The following GRM7 variants were observed in gnomAD, a reference collection of about 807,000 sequenced individuals.
The protein encoded by GRM7 is metabotropic glutamate receptor 7.
A neutral mutation model predicts 84.5 loss-of-function variants in GRM7; 35 were observed. The observed-to-expected ratio is 0.41, with a 90% CI of 0.32 to 0.55. The LOEUF (loss-of-function observed/expected upper bound fraction) is 0.55, where lower values mean the gene tolerates loss of function less well. Among genes scored for constraint, GRM7 ranks in the 20% least tolerant of loss-of-function variants. GRM7 has a pLI of 0.19. For synonymous variants in GRM7, 487 were observed against 455.1 expected (o/e 1.07, Z -0.89); for missense variants, 1,003 against 1,194.6 (o/e 0.84, Z 2.36).
intron 4 of GRM7, among the ~76,000 whole-genome samples, chr3:7,335,408 G>A (rs1211827608): frequency 6.6e-6 from 1 of 152,032 alleles, no homozygotes; most frequent in African/African-American, 2.4e-5. Flanking sequence ...TACAGCAAAA[G>A]TGGTGATAAT....
intron 2 of GRM7, among the ~76,000 whole-genome samples, chr3:7,152,199 G>C (rs1694308007): frequency 6.6e-6 from 1 of 152,108 alleles, no homozygotes; most frequent in South Asian, 2.1e-4. Flanking sequence ...TTTAACTCAT[G>C]CTTCATTTGT....
chr3:7,140,956 A>G (rs1214070457), intron 1 of GRM7, among the ~76,000 whole-genome samples: 1 of 152,058 alleles, frequency 6.6e-6, no homozygotes, highest in Admixed American at 6.6e-5. Context: ...GAAATGTCCT[A>G]CAAGTTCTAG....
intron 4 of GRM7, among the ~76,000 whole-genome samples, chr3:7,354,881 C>T (rs1463894575): frequency 6.6e-6 from 1 of 152,132 alleles, no homozygotes; most frequent in Non-Finnish European, 1.5e-5. Flanking sequence ...CTGGCAAGGC[C>T]AGCAATATGC....
At chr3:7,680,449 T>C (rs920557376) in intron 9 of GRM7, 154 bp downstream of exon 9, 5 of 692,582 alleles carry the variant, frequency 7.2e-6, no homozygotes, top group Middle Eastern at 2.6e-4. Context: ...TCTTTTGAGT[T>C]TGACTCATTC....
chr3:7,693,714 T>C, intron 9 of GRM7: 1 of 1,439,856 alleles, frequency 6.9e-7, no homozygotes, highest in Non-Finnish European at 9.4e-7. Context: ...TCCTTCTAAG[T>C]GTCCTAAGGA....
intron 1 of GRM7, among the ~76,000 whole-genome samples, chr3:6,957,015 C>T (rs754561062): frequency 1.3e-5 from 2 of 152,098 alleles, no homozygotes; most frequent in Admixed American, 6.6e-5. Context: ...GACTATTTAA[C>T]CTTCTATTTA....
intron 1 of GRM7, among the ~76,000 whole-genome samples, chr3:6,876,927 C>A (rs1018843153): frequency 1.3e-5 from 2 of 152,006 alleles, no homozygotes; most frequent in Non-Finnish European, 1.5e-5. Context: ...GTTGTGTAAC[C>A]CTACGAAGGT....
At chr3:7,374,177 C>A (rs568401383) in intron 4 of GRM7, among the ~76,000 whole-genome samples, 1 of 152,192 alleles carries the variant, frequency 6.6e-6, no homozygotes, top group South Asian at 2.1e-4. Context: ...ATGAGTGAAA[C>A]AGGCTTTCTC....
rs756805776 is a variant in GRM7 at position 6,928,309 on chromosome 3, A to T, written c.519+66402A>T. Among the ~76,000 whole-genome samples the T allele has an allele frequency of 6.6e-6, 1 of 152,092 alleles. No homozygotes were observed. Among genetic ancestry groups the T allele is most frequent in the Non-Finnish European group, 1.5e-5 (1 of 68,010 alleles). The stretch of plus-strand genomic sequence containing the variant: ...GACTTGTTAACTTGTAGATATGATT[A>T]AGCCCCACAGTTTTCCCATGAAAGT... On this transcript the variant is annotated intron_variant, in intron 1 of 9. Transcript: ENST00000357716. This position sits in a 1 kb window ranked among gnomAD's most constrained non-coding sequence, Gnocchi z 4.5.
At chr3:7,264,762 C>T (rs1698570987) in intron 2 of GRM7, among the ~76,000 whole-genome samples, 1 of 150,624 alleles carries the variant, frequency 6.6e-6, no homozygotes, top group Non-Finnish European at 1.5e-5. Context: ...CCAGGGTGTC[C>T]TGGCATCCTC....
At chr3:7,626,925 T>C (rs1575570013) in intron 8 of GRM7, among the ~76,000 whole-genome samples, 1 of 11,608 alleles carries the variant, frequency 8.6e-5, no homozygotes, top group Admixed American at 1.0e-3. Context: ...TGAGCACCTC[T>C]TTTTTTTTTT....
intron 1 of GRM7, among the ~76,000 whole-genome samples, chr3:6,955,274 G>A (rs1054402008): frequency 1.3e-5 from 2 of 152,154 alleles, no homozygotes; most frequent in Admixed American, 6.5e-5. Context: ...GGTGGCTTAC[G>A]CCTGTAATCC....
In GRM7 at chr3:7,233,769, G is replaced by A. The variant is rs560663303; in HGVS notation, c.737-64915G>A. 2.7e-4 allele frequency among the ~76,000 whole-genome samples: 41 copies of A among 152,110 alleles called. 1 individual carries two copies. In the East Asian group the frequency reaches 6.9e-3, roughly 26 times the overall value. Reference sequence around the variant, plus strand: ...AATTTTTCTTTTACAAAATGACTCCGAACTGCAAATAAATAAACCCAATTT... The same window carrying A: ...AATTTTTCTTTTACAAAATGACTCCAAACTGCAAATAAATAAACCCAATTT... On this transcript the variant is annotated intron_variant, in intron 2 of 9. Transcript: ENST00000357716.
At chr3:6,888,722 T>G (rs1376471543) in intron 1 of GRM7, among the ~76,000 whole-genome samples, 1 of 152,162 alleles carries the variant, frequency 6.6e-6, no homozygotes, top group African/African-American at 2.4e-5. Context: ...CGGGCTGTTT[T>G]TTGGTTCCAT....
intron 1 of GRM7, among the ~76,000 whole-genome samples, chr3:7,130,265 T>C (rs1388053740): frequency 6.6e-6 from 1 of 152,088 alleles, no homozygotes; most frequent in African/African-American, 2.4e-5. Context: ...GCTTATGGGA[T>C]GGGCCTGGTG....
intron 1 of GRM7, among the ~76,000 whole-genome samples, chr3:6,957,231 T>A (rs1471672154): frequency 1.3e-5 from 2 of 152,180 alleles, no homozygotes; most frequent in African/African-American, 2.4e-5. Context: ...TTCCATTTAG[T>A]TAAAATTAAT....
chr3:7,305,991 G>C (rs1356117001), intron 3 of GRM7, among the ~76,000 whole-genome samples: 1 of 152,060 alleles, frequency 6.6e-6, no homozygotes, highest in African/African-American at 2.4e-5. Flanking sequence ...TCATACACAA[G>C]TTATAAATTT....
At chr3:7,307,828 G>A (rs1025728387) in intron 4 of GRM7, among the ~76,000 whole-genome samples, 1 of 152,134 alleles carries the variant, frequency 6.6e-6, no homozygotes. Flanking sequence ...CTCAGTGCTA[G>A]GAGTCAGGAA....
intron 1 of GRM7, among the ~76,000 whole-genome samples, chr3:7,047,615 T>C (rs1288606615): frequency 1.3e-5 from 2 of 152,092 alleles, no homozygotes; most frequent in Non-Finnish European, 2.9e-5. Context: ...GTGGTCCCTA[T>C]TGTCTAGTAT....
Sources: allele counts gnomAD v4.1 joint callset (sites outside exome capture counted in the v4.1 genomes callset), GRCh38; gene constraint gnomAD v4.1.1; non-coding constraint Gnocchi (gnomAD v3.1); transcripts MANE v1.5; gene names NCBI Gene and HGNC (gene_info 2026-07-23, HGNC 2026-07-21).